CLIC4: variants seen among roughly 807,000 people sequenced by gnomAD.
CLIC4 encodes CLIC family member 4, also known as chloride intracellular channel protein 4.
CLIC4 carries 13 observed loss-of-function variants against 24.6 expected under a neutral mutation model. The ratio of observed to expected loss-of-function variants is 0.53; its 90% CI spans 0.34 to 0.84. The LOEUF (loss-of-function observed/expected upper bound fraction) is 0.84, where lower values mean the gene tolerates loss of function less well. Among genes scored for constraint, CLIC4 ranks in the 40% least tolerant of loss-of-function variants. The pLI is 0.01. For missense variants in CLIC4, 227 were observed against 301.7 expected, an observed-to-expected ratio of 0.75 and a Z score of 1.83; for synonymous variants, 104 against 111.3, an observed-to-expected ratio of 0.93 and a Z score of 0.41.
chr1:24,752,452 C>T (rs77408116), intron 1 of CLIC4, among the ~76,000 whole-genome samples: 2,411 of 152,248 alleles, frequency 0.016, 60 homozygotes, highest in African/African-American at 0.056. Flanking sequence ...AGAGCATTGT[C>T]CTCTTCTGAA....
At chr1:24,749,823 A>G (rs1638751754) in intron 1 of CLIC4, among the ~76,000 whole-genome samples, 1 of 151,734 alleles carries the variant, frequency 6.6e-6, no homozygotes, top group African/African-American at 2.4e-5. Context: ...TGCCAGGCAC[A>G]GTGGCTCACG....
At chr1:24,784,227 C>T (rs547462728) in intron 1 of CLIC4, among the ~76,000 whole-genome samples, 53 of 152,194 alleles carry the variant, frequency 3.5e-4, no homozygotes, top group African/African-American at 9.4e-4. Context: ...CCCCTAACCC[C>T]GTCCCTTGAG....
At chr1:24,769,209 TA>T (rs1639044259) in intron 1 of CLIC4, among the ~76,000 whole-genome samples, 1 of 152,230 alleles carries the variant, frequency 6.6e-6, no homozygotes, top group South Asian at 2.1e-4. Context: ...AATAATGTTA[TA>T]AGTTTTCTGA....
chr1:24,788,060 G>A (rs1164177552), intron 1 of CLIC4, among the ~76,000 whole-genome samples: 1 of 151,632 alleles, frequency 6.6e-6, no homozygotes, highest in African/African-American at 2.4e-5. Flanking sequence ...CACCATGTTG[G>A]TCAGGCTGGT....
intron 1 of CLIC4, among the ~76,000 whole-genome samples, chr1:24,784,537 T>C (rs962359395): frequency 2.6e-5 from 4 of 152,228 alleles, no homozygotes; most frequent in African/African-American, 9.6e-5. Flanking sequence ...TAATAGTCTG[T>C]CCTGGAGTTT....
At chr1:24,801,149 C>T (rs896443953) in intron 2 of CLIC4, among the ~76,000 whole-genome samples, 1 of 151,658 alleles carries the variant, frequency 6.6e-6, no homozygotes. Flanking sequence ...ATGCAAGTGT[C>T]ACAACATGAT....
Position 24,797,847 on chromosome 1 carries a change from A to G in CLIC4, c.178A>G (p.Lys60Glu), listed in dbSNP as rs1639422055. The change falls in exon 2 of 6, where the codon AAA (lysine) becomes GAA (glutamate). Residue 60 changes from lysine to glutamate, a missense_variant. Lys to Glu is a moderately conservative substitution (Grantham distance 56, BLOSUM62 1). Coordinates refer to ENST00000374379, the MANE Select transcript of CLIC4 (RefSeq NM_013943.3). ...ATTTAGTGTGACGACTGTTGACCTG[A>G]AAAGGTAAGACATGGTCGCAGTTTG... ...VVFSVTTVDLKRKPADLQNLA... is the reference protein window; with the variant it reads ...VVFSVTTVDLERKPADLQNLA... 6.2e-7 allele frequency: 1 copy of G among 1,605,976 alleles called. No homozygotes were observed. The highest frequency in any genetic ancestry group is 1.3e-5 in the African/African-American group (1 of 74,632).
In CLIC4 at chr1:24,842,390, T is replaced by G. The variant is rs1488200380; in HGVS notation, c.*1453T>G. On this transcript the variant is annotated 3_prime_UTR_variant, in exon 6 of 6. Coordinates refer to ENST00000374379, the MANE Select transcript of CLIC4 (RefSeq NM_013943.3). ...GACTGTGATTGTGACTATAATACAT[T>G]TTTGGTAATTTTTTTATACCTAATT... The G allele has an allele frequency of 6.6e-6, 1 of 152,184 alleles. No individual in the cohort carries two copies. Among genetic ancestry groups the G allele is most frequent in the Non-Finnish European group, 1.5e-5 (1 of 68,020 alleles). 9.4% of individuals were successfully genotyped at this position (152,184 alleles called of 1,614,324 possible). A position where few individuals can be genotyped will look rare whatever the true frequency, so the allele number is the denominator to read the frequency against.
chr1:24,839,828 C>G (rs762506879), intron 4 of CLIC4, 32 bp from the exon 5 acceptor site: 5 of 1,584,408 alleles, frequency 3.2e-6, no homozygotes, highest in East Asian at 4.5e-5. Context: ...TTCCTTCTTA[C>G]AGTATTCTCA....
chr1:24,767,873 C>T (rs1374389384), intron 1 of CLIC4, among the ~76,000 whole-genome samples: 2 of 150,890 alleles, frequency 1.3e-5, no homozygotes, highest in Non-Finnish European at 1.5e-5. Context: ...GCATGGAGTT[C>T]CGCTCTGTCG....
intron 1 of CLIC4, among the ~76,000 whole-genome samples, chr1:24,786,317 C>G (rs183075110): frequency 6.9e-4 from 105 of 152,356 alleles, no homozygotes; most frequent in African/African-American, 2.4e-3. Context: ...TTAATCTTGA[C>G]TTAGTAAAAC....
chr1:24,813,996 C>T (rs769701523), intron 2 of CLIC4, 98 bp from the exon 3 acceptor site: 53 of 1,432,550 alleles, frequency 3.7e-5, no homozygotes, highest in Non-Finnish European at 4.5e-5. Flanking sequence ...CGACTACAGA[C>T]GCAAGCCACC....
intron 2 of CLIC4, among the ~76,000 whole-genome samples, chr1:24,810,274 A>G (rs1438269486): frequency 1.3e-5 from 2 of 152,120 alleles, no homozygotes; most frequent in African/African-American, 2.4e-5. Context: ...AGTAATTTCT[A>G]CTTTTTATGT....
chr1:24,838,311 A>G (rs1275250780), intron 4 of CLIC4, among the ~76,000 whole-genome samples: 1 of 152,174 alleles, frequency 6.6e-6, no homozygotes, highest in African/African-American at 2.4e-5. Context: ...TGTTGAATAC[A>G]TCTTCCCCCC....
At chr1:24,750,110 G>C (rs906073315) in intron 1 of CLIC4, among the ~76,000 whole-genome samples, 1 of 152,162 alleles carries the variant, frequency 6.6e-6, no homozygotes, top group African/African-American at 2.4e-5. Context: ...GCTGGGCCTG[G>C]TGGCCCACGC....
chr1:24,765,544 T>C (rs553896720), intron 1 of CLIC4, among the ~76,000 whole-genome samples: 1 of 152,198 alleles, frequency 6.6e-6, no homozygotes, highest in Admixed American at 6.5e-5. Context: ...AGTAAAAAAG[T>C]TTTAAGGGAG....
At chr1:24,820,067 G>GTGTGTGTATATATATATATATATATATA (rs1212033050) in intron 3 of CLIC4, among the ~76,000 whole-genome samples, 2 of 36,482 alleles carry the variant, frequency 5.5e-5, no homozygotes, top group East Asian at 1.2e-3. Context: ...AAAAAAGTAT[G>GTGTGTGTATATATATATATATATATATA]TATATATATA....
intron 1 of CLIC4, among the ~76,000 whole-genome samples, chr1:24,782,695 G>A (rs1639218759): frequency 6.6e-6 from 1 of 152,098 alleles, no homozygotes; most frequent in Admixed American, 6.6e-5. Flanking sequence ...CAAGTTACAA[G>A]CATAAGAGGT....
intron 2 of CLIC4, among the ~76,000 whole-genome samples, chr1:24,809,013 T>TC (rs1343213045): frequency 1.3e-5 from 2 of 152,198 alleles, no homozygotes; most frequent in Admixed American, 6.5e-5. Flanking sequence ...GTTGGTTGAA[T>TC]CCACAGATGC....
Sources: gnomAD v4.1 joint callset for allele counts (sites outside exome capture counted in the v4.1 genomes callset) on GRCh38, gnomAD v4.1.1 for gene constraint, MANE v1.5 for transcripts, NCBI Gene and HGNC (gene_info 2026-07-23, HGNC 2026-07-21) for gene names.